UNC80: variants seen among roughly 807,000 people sequenced by gnomAD.
UNC80 encodes the protein unc-80 subunit of NALCN channel complex.
Under a neutral mutation model 384.6 loss-of-function variants are expected in UNC80, and 164 were observed. The ratio of observed to expected loss-of-function variants is 0.43; its 90% CI spans 0.38 to 0.49. UNC80 has a LOEUF of 0.49. Ranked by LOEUF, UNC80 falls within the 20% of genes least tolerant of loss-of-function variation. The pLI is 0.00. For synonymous variants in UNC80, 1,486 were observed against 1,527.8 expected (o/e 0.97, Z 0.64); for missense variants, 3,330 against 4,143.0 (o/e 0.80, Z 5.39).
intron 13 of UNC80, among the ~76,000 whole-genome samples, chr2:209,822,833 C>T (rs765760724): frequency 1.3e-5 from 2 of 151,838 alleles, no homozygotes; most frequent in Non-Finnish European, 2.9e-5. Context: ...TTATTTTGAC[C>T]AGAGTTATCA....
chr2:209,909,884 A>G (rs919821495), intron 29 of UNC80, among the ~76,000 whole-genome samples: 7 of 151,990 alleles, frequency 4.6e-5, no homozygotes, highest in African/African-American at 1.7e-4. Context: ...CATTGAACAC[A>G]GCTCCCTCTG....
intron 36 of UNC80, 121 bp downstream of exon 36, chr2:209,927,107 A>G (rs2090494986): frequency 1.8e-6 from 2 of 1,097,976 alleles, no homozygotes; most frequent in South Asian, 3.3e-5. Flanking sequence ...TTATGCACAT[A>G]TTATAATTAC....
chr2:209,984,971 G>C, intron 61 of UNC80, 59 bp downstream of exon 61: 1 of 1,377,116 alleles, frequency 7.3e-7, no homozygotes, highest in Non-Finnish European at 1.0e-6. Flanking sequence ...GCTGTTCCCT[G>C]TCTCCTCTGT....
chr2:209,849,746 T>G (rs1446469066), intron 22 of UNC80, 123 bp downstream of exon 22: 24 of 1,051,496 alleles, frequency 2.3e-5, no homozygotes, highest in Non-Finnish European at 3.1e-5. Flanking sequence ...TCAGAATTAG[T>G]GATAAAAGGG....
At position 209,913,863 on chromosome 2, in the gene UNC80, A is replaced by G. The variant is rs2089232341; in HGVS notation, c.4952A>G (p.Glu1651Gly). ...ATCAAGGCAGCACCAATTCTGACAGAGGAGATGTACGGAGACATCCAGCCA... is the reference window on the plus strand; with the variant it reads ...ATCAAGGCAGCACCAATTCTGACAGGGGAGATGTACGGAGACATCCAGCCA... ...LLIKAAPILT[E>G]EMYGDIQPAA... Residue 1651 changes from glutamate to glycine, a missense_variant, in exon 31 of 65, where the codon GAG becomes GGG. By Grantham distance (98) the Glu-to-Gly change is moderately conservative. Around this residue, in one of 8 missense-constraint regions of UNC80, gnomAD observed 801 missense variants for 950.8 expected, o/e 0.84. Coordinates refer to ENST00000673920, the MANE Select transcript of UNC80 (RefSeq NM_001371986.1). 1.3e-6 allele frequency: 2 copies of G among 1,551,398 alleles called. No homozygotes were observed. The highest frequency in any genetic ancestry group is 1.4e-5 in the African/African-American group (1 of 73,050).
intron 23 of UNC80, among the ~76,000 whole-genome samples, chr2:209,877,299 T>C (rs1208259283): frequency 3.3e-5 from 5 of 152,216 alleles, no homozygotes; most frequent in African/African-American, 1.2e-4. Flanking sequence ...ATGTTAGTTC[T>C]AAGAATACCG....
rs1204604817 is a variant in UNC80, at chr2:209,979,586, T to C, written c.9118+878T>C. On this transcript the variant is annotated intron_variant, in intron 59 of 64. Coordinates refer to ENST00000673920, the MANE Select transcript of UNC80 (RefSeq NM_001371986.1). Reference sequence around the variant, plus strand: ...GCCCAGAAACTTCTAAGGCATGTGCTAGAGATTTGGTGTTATGACATGAGG... The same window carrying C: ...GCCCAGAAACTTCTAAGGCATGTGCCAGAGATTTGGTGTTATGACATGAGG... Among the ~76,000 whole-genome samples, 5 of 152,184 alleles carry C rather than the reference T, an allele frequency of 3.3e-5. No individual in the cohort carries two copies. The East Asian group carries it at 9.6e-4, about 29-fold the overall frequency.
At chr2:209,865,221 G>T (rs34381254) in intron 22 of UNC80, among the ~76,000 whole-genome samples, 14,076 of 149,134 alleles carry the variant, frequency 0.094, 798 homozygotes, top group South Asian at 0.24. Flanking sequence ...GGATTCACAC[G>T]TTTATTATGT....
intron 20 of UNC80, among the ~76,000 whole-genome samples, chr2:209,841,517 T>C (rs914099395): frequency 1.3e-5 from 2 of 151,886 alleles, no homozygotes; most frequent in African/African-American, 4.8e-5. Context: ...CATGCCCAGC[T>C]AATTTTATAT....
intron 12 of UNC80, among the ~76,000 whole-genome samples, 193 bp downstream of exon 12, chr2:209,819,454 C>A (rs1284615166): frequency 6.6e-6 from 1 of 150,560 alleles, no homozygotes; most frequent in Admixed American, 6.6e-5. Context: ...TCAAGCATTG[C>A]ATTAGATTTG....
At chr2:209,809,145 C>A in intron 7 of UNC80, 1 of 595,872 alleles carries the variant, frequency 1.7e-6, no homozygotes, top group African/African-American at 1.9e-5. Flanking sequence ...CAGCTTCTTC[C>A]TTGGAGGCGG....
chr2:209,928,913 G>A (rs2090639024), intron 36 of UNC80, among the ~76,000 whole-genome samples: 1 of 151,984 alleles, frequency 6.6e-6, no homozygotes, highest in Non-Finnish European at 1.5e-5. Flanking sequence ...CTACAAATGA[G>A]TGAAAACATG....
intron 23 of UNC80, among the ~76,000 whole-genome samples, 173 bp from the exon 24 acceptor site, chr2:209,877,781 A>G (rs192890002): frequency 1.1e-4 from 16 of 152,244 alleles, no homozygotes; most frequent in African/African-American, 3.6e-4. Flanking sequence ...TGTTTCTTCC[A>G]TTTCTGGTTT....
At chr2:209,969,040 A>G (rs1413317751) in intron 52 of UNC80, 1 of 152,226 alleles carries the variant, frequency 6.6e-6, no homozygotes, top group Non-Finnish European at 1.5e-5. Context: ...GCTAGAAAAT[A>G]TAAGCTTAGA....
chr2:209,915,209 C>A (rs2089390207), intron 31 of UNC80, among the ~76,000 whole-genome samples: 1 of 151,920 alleles, frequency 6.6e-6, no homozygotes, highest in Non-Finnish European at 1.5e-5. Context: ...TCAAGACCAT[C>A]CTGGCTAACA....
intron 28 of UNC80, among the ~76,000 whole-genome samples, chr2:209,904,278 T>C (rs1028200640): frequency 1.3e-5 from 2 of 152,168 alleles, no homozygotes; most frequent in African/African-American, 4.8e-5. Flanking sequence ...TTGAAGATGA[T>C]TGGCCAGAGG....
At chr2:209,961,480 A>G (rs896644434) in intron 51 of UNC80, 2 of 152,228 alleles carry the variant, frequency 1.3e-5, no homozygotes, top group African/African-American at 4.8e-5. Flanking sequence ...GATTTGAGGA[A>G]ACTCAGAAAA....
At chr2:209,948,492 C>T (rs527652119) in intron 47 of UNC80, among the ~76,000 whole-genome samples, 3 of 152,280 alleles carry the variant, frequency 2.0e-5, no homozygotes, top group South Asian at 4.2e-4. Context: ...AAAGTGCCTA[C>T]TGAAGTCTTC....
At chr2:209,838,048 G>A (rs1455660784) in intron 18 of UNC80, among the ~76,000 whole-genome samples, 1 of 152,080 alleles carries the variant, frequency 6.6e-6, no homozygotes, top group Non-Finnish European at 1.5e-5. Flanking sequence ...TGGGATTACA[G>A]GTGTGAGCCA....
Sources: allele counts gnomAD v4.1 joint callset (sites outside exome capture counted in the v4.1 genomes callset), GRCh38; gene constraint gnomAD v4.1.1; regional missense constraint gnomAD v4.1.1; transcripts MANE v1.5; gene names NCBI Gene and HGNC (gene_info 2026-07-23, HGNC 2026-07-21).